RBFOX1: variants seen among roughly 807,000 people sequenced by gnomAD.
RBFOX1 encodes RNA binding fox-1 homolog 1.
Under a neutral mutation model 57.7 loss-of-function variants are expected in RBFOX1, and 8 were observed. That is an observed-to-expected ratio of 0.14 (90% CI 0.08 to 0.25). The LOEUF is 0.25. Among genes scored for constraint, RBFOX1 ranks in the 10% least tolerant of loss-of-function variants. RBFOX1 has a pLI of 1.00. For missense variants in RBFOX1, 611 were observed against 548.5 expected (o/e 1.11, Z -1.14); for synonymous variants, 326 against 222.4 (o/e 1.47, Z -4.15).
At chr16:5,498,297 C>T (rs1190154188) in intron 2 of RBFOX1, among the ~76,000 whole-genome samples, 1 of 152,084 alleles carries the variant, frequency 6.6e-6, no homozygotes, top group African/African-American at 2.4e-5. Flanking sequence ...CATGCACTAC[C>T]ACGCCCAGCT....
intron 3 of RBFOX1, among the ~76,000 whole-genome samples, chr16:6,834,938 G>C (rs935650644): frequency 1.4e-5 from 2 of 147,068 alleles, no homozygotes; most frequent in African/African-American, 5.0e-5. Flanking sequence ...TGTTGCCCAG[G>C]CTGGAGTGCA....
intron 4 of RBFOX1, among the ~76,000 whole-genome samples, chr16:7,136,103 T>G (rs2071873220): frequency 6.6e-6 from 1 of 152,166 alleles, no homozygotes; most frequent in African/African-American, 2.4e-5. Flanking sequence ...CAGGCAAGAA[T>G]GTCAAAGGAA....
chr16:6,020,387 G>T (rs2095046796), intron 1 of RBFOX1, among the ~76,000 whole-genome samples: 1 of 152,144 alleles, frequency 6.6e-6, no homozygotes, highest in Non-Finnish European at 1.5e-5. Flanking sequence ...CCCCCGGACC[G>T]CTGCCTCCGC....
chr16:7,196,013 GA>G (rs911834272), intron 4 of RBFOX1, among the ~76,000 whole-genome samples: 15 of 147,426 alleles, frequency 1.0e-4, no homozygotes, highest in African/African-American at 3.0e-4. Context: ...GTCACCGTCT[GA>G]AAAAAAAAAT....
chr16:6,009,886 A>G (rs748818621), intron 4 of RBFOX1, among the ~76,000 whole-genome samples: 3 of 151,140 alleles, frequency 2.0e-5, no homozygotes, highest in Non-Finnish European at 4.4e-5. Flanking sequence ...TACTTCCTGA[A>G]TCAGAATCTC....
In RBFOX1 at chr16:7,438,475, A is replaced by G. The variant is rs528883194; in HGVS notation, c.28-79672A>G. On this transcript the variant is annotated intron_variant, in intron 4 of 15. Transcript: ENST00000550418. ...GTAATCAAGGAGAGATGGCGGGACA[A>G]TAACTGCTCTGGGGATCAGACTGGA... is the stretch of plus-strand genomic sequence containing the variant. Among the ~76,000 whole-genome samples, 188 of 152,262 alleles carry G rather than the reference A, an allele frequency of 1.2e-3. 1 individual carries two copies. Among genetic ancestry groups the G allele is most frequent in the African/African-American group, 3.8e-3 (159 of 41,540 alleles).
At chr16:7,053,452 G>C (rs544320480) in intron 4 of RBFOX1, among the ~76,000 whole-genome samples, 1 of 152,248 alleles carries the variant, frequency 6.6e-6, no homozygotes, top group African/African-American at 2.4e-5. Flanking sequence ...TACAACTTTA[G>C]ATTTCTCTTG....
intron 3 of RBFOX1, among the ~76,000 whole-genome samples, chr16:5,611,750 T>TCCATCCATCCATC (rs2047809447): frequency 1.5e-3 from 10 of 6,824 alleles, no homozygotes; most frequent in Non-Finnish European, 2.4e-3. Flanking sequence ...ATCCATCCAT[T>TCCATCCATCCATC]CACCCTTCTT....
chr16:7,324,345 G>T (rs2096583507), intron 4 of RBFOX1, among the ~76,000 whole-genome samples: 1 of 152,148 alleles, frequency 6.6e-6, no homozygotes, highest in Non-Finnish European at 1.5e-5. Flanking sequence ...GCTGTTAGGA[G>T]TGGCCTCTGT....
intron 3 of RBFOX1, among the ~76,000 whole-genome samples, chr16:5,734,334 A>G (rs1448176318): frequency 6.6e-6 from 1 of 152,186 alleles, no homozygotes; most frequent in Non-Finnish European, 1.5e-5. Flanking sequence ...ATTCTGAGGC[A>G]GGAGGATCAC....
intron 3 of RBFOX1, among the ~76,000 whole-genome samples, chr16:7,002,383 C>T (rs548906245): frequency 2.0e-5 from 3 of 152,292 alleles, no homozygotes; most frequent in South Asian, 2.1e-4. Context: ...TGAAGGTTTT[C>T]TGTTTATCCA....
At chr16:6,677,914 G>A (rs1323773869) in intron 3 of RBFOX1, among the ~76,000 whole-genome samples, 5 of 152,110 alleles carry the variant, frequency 3.3e-5, no homozygotes, top group Non-Finnish European at 2.9e-5. Flanking sequence ...TTACTAAAGT[G>A]ATTAATCAGT....
chr16:5,704,742 C>T (rs1423925477), intron 3 of RBFOX1, among the ~76,000 whole-genome samples: 1 of 152,148 alleles, frequency 6.6e-6, no homozygotes, highest in Admixed American at 6.5e-5. Context: ...CCCCTCAACT[C>T]CATCCTCAGC....
At chr16:5,724,897 C>G (rs990975303) in intron 3 of RBFOX1, among the ~76,000 whole-genome samples, 2 of 152,192 alleles carry the variant, frequency 1.3e-5, no homozygotes, top group African/African-American at 4.8e-5. Flanking sequence ...CAAAGATTGT[C>G]TGTGATTCCT....
At position 6,239,871 on chromosome 16, in the gene RBFOX1, C is replaced by T. The variant is rs1357721321; in HGVS notation, c.-126-77124C>T. Among the ~76,000 whole-genome samples, 10 of 152,142 alleles carry T rather than the reference C, an allele frequency of 6.6e-5. No homozygotes were observed. The South Asian group carries it at 8.3e-4, about 13-fold the overall frequency. ...TTTATTGACATCATAAAAATAGGTA[C>T]GTGAGTGTCTGATATAGTTTGGGTA... is the stretch of plus-strand genomic sequence containing the variant. On this transcript the variant is annotated intron_variant, in intron 1 of 15. Coordinates refer to ENST00000550418, the MANE Select transcript of RBFOX1 (RefSeq NM_018723.4).
intron 3 of RBFOX1, among the ~76,000 whole-genome samples, chr16:5,837,451 A>C (rs2056496408): frequency 6.6e-6 from 1 of 151,976 alleles, no homozygotes; most frequent in African/African-American, 2.4e-5. Context: ...GAGAGATTGC[A>C]TAAGCTTCAG....
At chr16:6,130,798 A>G (rs187262017) in intron 1 of RBFOX1, among the ~76,000 whole-genome samples, 3 of 152,200 alleles carry the variant, frequency 2.0e-5, no homozygotes, top group African/African-American at 7.2e-5. Flanking sequence ...AGAATGATCA[A>G]ATGGTTAATT....
At chr16:6,858,851 A>G (rs2058378035) in intron 3 of RBFOX1, among the ~76,000 whole-genome samples, 1 of 151,912 alleles carries the variant, frequency 6.6e-6, no homozygotes, top group South Asian at 2.1e-4. Context: ...TCAACATGCA[A>G]AACTCAGACT....
At chr16:5,573,282 C>T (rs779834345) in intron 2 of RBFOX1, among the ~76,000 whole-genome samples, 18 of 152,158 alleles carry the variant, frequency 1.2e-4, no homozygotes, top group Non-Finnish European at 2.4e-4. Context: ...TGTCCCTTCC[C>T]CACGGCCTCG....
Sources: gnomAD v4.1 joint callset for allele counts (sites outside exome capture counted in the v4.1 genomes callset) on GRCh38, gnomAD v4.1.1 for gene constraint, MANE v1.5 for transcripts, NCBI Gene and HGNC (gene_info 2026-07-23, HGNC 2026-07-21) for gene names.